Variants in ENTHD1 observed in about 807,000 individuals in gnomAD.
ENTHD1 encodes the protein ENTH domain containing 1, also known as ENTH domain-containing protein 1.
ENTHD1 carries 23 observed loss-of-function variants against 39.1 expected under a neutral mutation model. The ratio of observed to expected loss-of-function variants is 0.59; its 90% CI spans 0.42 to 0.83. The LOEUF is 0.83. ENTHD1 is among the 40% of genes least tolerant of loss of function. ENTHD1 has a pLI of 0.00. For synonymous variants in ENTHD1, 230 were observed against 258.2 expected (o/e 0.89, Z 1.05); for missense variants, 624 against 705.4 (o/e 0.88, Z 1.31).
intron 2 of ENTHD1, among the ~76,000 whole-genome samples, chr22:39,868,428 C>T (rs1054428835): frequency 1.3e-5 from 2 of 150,288 alleles, no homozygotes; most frequent in South Asian, 4.2e-4. Context: ...AGCCTAAACA[C>T]TAAAATTCTA....
chr22:39,763,587 T>C (rs2065252323), intron 6 of ENTHD1, among the ~76,000 whole-genome samples: 1 of 152,200 alleles, frequency 6.6e-6, no homozygotes, highest in Non-Finnish European at 1.5e-5. Context: ...GAGGGACTCA[T>C]CTCAATTTCC....
rs953632196 is a variant in ENTHD1 at position 39,887,640 on chromosome 22, T to G, written c.109A>C (p.Met37Leu). The change falls in exon 2 of 7, where the codon ATG becomes CTG. Residue 37 changes from methionine to leucine, a missense_variant. Transcript: ENST00000325157. ...AAAGTCAAGTCACTGATATCTAACA[T>G]CAGAGAACTAGAGGGACCCCAAGGG... ...NDPWGPSSSL[M>L]LDISDLTFNT... The G allele has an allele frequency of 6.2e-7, 1 of 1,614,028 alleles. No homozygotes were observed. Among genetic ancestry groups the G allele is most frequent in the Non-Finnish European group, 8.5e-7 (1 of 1,180,014 alleles).
chr22:39,837,049 A>G (rs2065912216), intron 3 of ENTHD1, among the ~76,000 whole-genome samples: 1 of 152,216 alleles, frequency 6.6e-6, no homozygotes, highest in African/African-American at 2.4e-5. Flanking sequence ...ATTTCTGTTT[A>G]TATCTTTTTG....
intron 6 of ENTHD1, among the ~76,000 whole-genome samples, chr22:39,752,167 ATATTC>A (rs1236665101): frequency 4.6e-5 from 7 of 152,132 alleles, no homozygotes; most frequent in Non-Finnish European, 1.0e-4. Context: ...ACTATATACT[ATATTC>A]TATTTTTCTA....
rs71721601 is a variant in ENTHD1, at chr22:39,829,379, C to CAA, written c.711+6459_711+6460dup. On this transcript the variant is annotated intron_variant, in intron 4 of 6. Coordinates refer to ENST00000325157, the MANE Select transcript of ENTHD1 (RefSeq NM_152512.4). ...AGTAATCAGGATTTAAAGACAGATA[C>CAA]AAAAAAAAAAAAAATAGGTGACTAT... Among the ~76,000 whole-genome samples, 39 of 109,518 alleles carry CAA rather than the reference C, an allele frequency of 3.6e-4. 1 individual carries two copies. The highest frequency in any genetic ancestry group is 2.7e-3 in the South Asian group (10 of 3,760). The allele number at this position is 109,518 out of a possible 152,430, so 71.8% of individuals were successfully genotyped here. A position where few individuals can be genotyped will look rare whatever the true frequency, so the allele number is the denominator to read the frequency against.
intron 1 of ENTHD1, among the ~76,000 whole-genome samples, chr22:39,891,352 C>A (rs2066425379): frequency 6.6e-6 from 1 of 152,170 alleles, no homozygotes; most frequent in Non-Finnish European, 1.5e-5. Flanking sequence ...TAATCCTATC[C>A]CTAACAGCTA....
intron 5 of ENTHD1, among the ~76,000 whole-genome samples, chr22:39,796,671 C>A (rs1457873099): frequency 6.6e-6 from 1 of 152,086 alleles, no homozygotes; most frequent in Non-Finnish European, 1.5e-5. Flanking sequence ...ATTAAAGTTC[C>A]ATGTATTTGT....
At chr22:39,880,160 G>A (rs1384047553) in intron 2 of ENTHD1, among the ~76,000 whole-genome samples, 2 of 152,226 alleles carry the variant, frequency 1.3e-5, no homozygotes, top group African/African-American at 4.8e-5. Flanking sequence ...CTTAAGCCAA[G>A]GAGTTCAAGG....
intron 2 of ENTHD1, chr22:39,876,028 T>C (rs1485608382): frequency 2.4e-5 from 38 of 1,613,856 alleles, no homozygotes; most frequent in Non-Finnish European, 3.0e-5. Context: ...ATGATGCATC[T>C]GGCAGGATCA....
At chr22:39,805,708 G>A (rs2065635216) in intron 5 of ENTHD1, among the ~76,000 whole-genome samples, 1 of 152,154 alleles carries the variant, frequency 6.6e-6, no homozygotes, top group Non-Finnish European at 1.5e-5. Flanking sequence ...GAGAAAACAG[G>A]AAATCCTGAA....
intron 4 of ENTHD1, among the ~76,000 whole-genome samples, chr22:39,834,722 G>A (rs1347667415): frequency 2.0e-5 from 3 of 152,044 alleles, no homozygotes; most frequent in Non-Finnish European, 4.4e-5. Flanking sequence ...GGAAACATCC[G>A]AATATTCTTC....
chr22:39,804,014 A>T (rs2065620561), intron 5 of ENTHD1, among the ~76,000 whole-genome samples: 1 of 151,242 alleles, frequency 6.6e-6, no homozygotes, highest in Admixed American at 6.6e-5. Context: ...ATAGAAAAAA[A>T]TCAGCTGGGC....
intron 6 of ENTHD1, 27 bp downstream of exon 6, chr22:39,765,196 G>GTA (rs1166558734): frequency 6.4e-7 from 1 of 1,552,300 alleles, no homozygotes; most frequent in East Asian, 2.4e-5. Context: ...GTGTGTGTGT[G>GTA]TGTGTGTGTG....
chr22:39,799,604 G>A (rs1259658252), intron 5 of ENTHD1, among the ~76,000 whole-genome samples: 2 of 152,186 alleles, frequency 1.3e-5, no homozygotes, highest in East Asian at 3.9e-4. Context: ...GAGCTGAAGA[G>A]GCTAGACTCC....
chr22:39,759,554 C>A (rs886708709), intron 6 of ENTHD1, among the ~76,000 whole-genome samples: 1 of 151,866 alleles, frequency 6.6e-6, no homozygotes, highest in South Asian at 2.1e-4. Context: ...AAAGAGCCAC[C>A]TTTAATCTGT....
At chr22:39,801,290 G>A (rs1025425472) in intron 5 of ENTHD1, among the ~76,000 whole-genome samples, 1 of 152,214 alleles carries the variant, frequency 6.6e-6, no homozygotes, top group African/African-American at 2.4e-5. Context: ...CTCTGTAATT[G>A]CTGTAGTAAT....
At chr22:39,814,295 C>CAAAAAAAAAAAAAAAAAAAAAA (rs77915572) in intron 5 of ENTHD1, among the ~76,000 whole-genome samples, 9 of 97,710 alleles carry the variant, frequency 9.2e-5, no homozygotes, top group African/African-American at 1.8e-4. Context: ...CCCATCTCTA[C>CAAAAAAAAAAAAAAAAAAAAAA]AAAAAAAAAA....
At chr22:39,789,264 A>G (rs1272055720) in intron 5 of ENTHD1, among the ~76,000 whole-genome samples, 1 of 152,084 alleles carries the variant, frequency 6.6e-6, no homozygotes, top group Non-Finnish European at 1.5e-5. Context: ...TATCTCTTCC[A>G]TTTTAAATAC....
At chr22:39,781,954 A>T (rs2065413472) in intron 5 of ENTHD1, among the ~76,000 whole-genome samples, 1 of 152,152 alleles carries the variant, frequency 6.6e-6, no homozygotes, top group African/African-American at 2.4e-5. Flanking sequence ...ACCAAAATTG[A>T]ACCATGAAGA....
Sources: gnomAD v4.1 joint callset for allele counts (sites outside exome capture counted in the v4.1 genomes callset) on GRCh38, gnomAD v4.1.1 for gene constraint, MANE v1.5 for transcripts, NCBI Gene and HGNC (gene_info 2026-07-23, HGNC 2026-07-21) for gene names.